The following SLC13A3 variants were observed in gnomAD, a reference collection of about 807,000 sequenced individuals.
The protein encoded by SLC13A3 is solute carrier family 13 member 3, also known as Na(+)/dicarboxylate cotransporter 3.
SLC13A3 carries 40 observed loss-of-function variants against 59.0 expected under a neutral mutation model. That is an observed-to-expected ratio of 0.68 (90% CI 0.53 to 0.88). The LOEUF is 0.88. Ranked by LOEUF, SLC13A3 falls within the 40% of genes least tolerant of loss-of-function variation. SLC13A3 has a pLI of 0.00. For missense variants in SLC13A3, 699 were observed against 783.2 expected (o/e 0.89, Z 1.28); for synonymous variants, 317 against 330.3 (o/e 0.96, Z 0.44).
intron 12 of SLC13A3, among the ~76,000 whole-genome samples, chr20:46,561,267 TG>T (rs2061928229): frequency 6.6e-6 from 1 of 152,238 alleles, no homozygotes; most frequent in South Asian, 2.1e-4. Flanking sequence ...TGATGTCTCA[TG>T]CCTCCCTAAA....
intron 1 of SLC13A3, among the ~76,000 whole-genome samples, chr20:46,645,748 T>G (rs530443974): frequency 6.6e-6 from 1 of 152,318 alleles, no homozygotes; most frequent in African/African-American, 2.4e-5. Flanking sequence ...CCAGGCAGTA[T>G]GTACCCAGTA....
intron 1 of SLC13A3, among the ~76,000 whole-genome samples, chr20:46,683,297 A>G (rs999142409): frequency 1.3e-5 from 2 of 152,246 alleles, no homozygotes; most frequent in African/African-American, 4.8e-5. Context: ...TAGATAAGGA[A>G]GCTGGAAGCT....
chr20:46,563,644 G>T, intron 11 of SLC13A3, 93 bp from the exon 12 acceptor site: 1 of 1,245,656 alleles, frequency 8.0e-7, no homozygotes, highest in Non-Finnish European at 1.1e-6. Flanking sequence ...CAGTTGGAAA[G>T]AGGGACACAA....
At chr20:46,636,626 G>A (rs2062797793) in intron 1 of SLC13A3, among the ~76,000 whole-genome samples, 1 of 152,156 alleles carries the variant, frequency 6.6e-6, no homozygotes, top group Non-Finnish European at 1.5e-5. Flanking sequence ...AGCCCCATGA[G>A]GCTGGTGGGC....
At chr20:46,589,705 G>A (rs908775826) in intron 6 of SLC13A3, among the ~76,000 whole-genome samples, 6 of 152,178 alleles carry the variant, frequency 3.9e-5, no homozygotes, top group African/African-American at 1.4e-4. Flanking sequence ...TCCATCTATG[G>A]CCAGTTGATT....
At chr20:46,589,131 C>A (rs746970283) in intron 7 of SLC13A3, 29 bp downstream of exon 7, 3 of 1,599,682 alleles carry the variant, frequency 1.9e-6, no homozygotes, top group Middle Eastern at 1.7e-4. Flanking sequence ...ATACTCAGCT[C>A]TTTCCTTAAC....
At chr20:46,598,813 A>G (rs1304072172) in intron 4 of SLC13A3, among the ~76,000 whole-genome samples, 1 of 149,736 alleles carries the variant, frequency 6.7e-6, no homozygotes, top group East Asian at 2.0e-4. Context: ...CCCGAAGCCA[A>G]CTCTCAGACC....
intron 1 of SLC13A3, among the ~76,000 whole-genome samples, chr20:46,621,192 G>T (rs1022638189): frequency 2.6e-5 from 4 of 152,204 alleles, no homozygotes; most frequent in Non-Finnish European, 5.9e-5. Context: ...GCTAGGGAAA[G>T]CTTCCCCAGA....
Position 46,560,183 on chromosome 20 carries a change from G to A in SLC13A3, c.1648C>T (p.Leu550=), listed in dbSNP as rs2061919135. 3.7e-6 allele frequency: 6 copies of A among 1,614,144 alleles called. No homozygotes were observed. The highest frequency in any genetic ancestry group is 5.1e-6 in the Non-Finnish European group (6 of 1,180,020). ...AGCAGGACACCCATCAGGTTCATCA[G>A]GAGGCCTGTCCGCACCTGAAATAGA... is the stretch of plus-strand genomic sequence containing the variant. ...LVKDMVRTGL[L]MNLMGVLLLS... is the part of the protein sequence containing the mutation. The change falls in exon 13 of 13, where the codon CTG becomes TTG. Residue 550 remains leucine (L), a synonymous_variant. Coordinates refer to ENST00000279027, the MANE Select transcript of SLC13A3 (RefSeq NM_022829.6).
At position 46,563,444 on chromosome 20, in the gene SLC13A3, G is replaced by T; in HGVS notation, c.1602C>A (p.Phe534Leu). 1 of 1,614,118 alleles carries T rather than the reference G, an allele frequency of 6.2e-7. No homozygotes were observed. The highest frequency in any genetic ancestry group is 8.5e-7 in the Non-Finnish European group (1 of 1,180,014). ...CTTTGACCAGCAAGTGTCCAGAGGC[G>T]AAGGCGATGGAGTTGGGGGGCGTTG... Reference protein sequence around the residue: ...PVSTPPNSIAFASGHLLVKDM... With the variant: ...PVSTPPNSIALASGHLLVKDM... Residue 534 changes from phenylalanine to leucine, a missense_variant, in exon 12 of 13, where the codon TTC becomes TTA. Physicochemically the swap from Phe to Leu is conservative, Grantham distance 22. Coordinates refer to ENST00000279027, the MANE Select transcript of SLC13A3 (RefSeq NM_022829.6).
At chr20:46,604,911 C>G (rs1426341995) in intron 3 of SLC13A3, among the ~76,000 whole-genome samples, 1 of 152,106 alleles carries the variant, frequency 6.6e-6, no homozygotes, top group Non-Finnish European at 1.5e-5. Context: ...CCCCCAGTCC[C>G]CACCATCGCT....
intron 10 of SLC13A3, among the ~76,000 whole-genome samples, chr20:46,566,848 CAA>C (rs2061985587): frequency 6.7e-6 from 1 of 150,084 alleles, no homozygotes; most frequent in Non-Finnish European, 1.5e-5. Context: ...AATATATATA[CAA>C]GACTTACTAT....
intron 1 of SLC13A3, among the ~76,000 whole-genome samples, chr20:46,648,913 TCTCACA>T (rs1175288362): frequency 8.7e-5 from 12 of 138,028 alleles, no homozygotes; most frequent in African/African-American, 3.9e-4. Context: ...TCTCTCTCTC[TCTCACA>T]CACACACACA....
At chr20:46,606,111 A>G (rs1419113848) in intron 3 of SLC13A3, among the ~76,000 whole-genome samples, 1 of 152,252 alleles carries the variant, frequency 6.6e-6, no homozygotes, top group Non-Finnish European at 1.5e-5. Flanking sequence ...AAGATTCACA[A>G]CAATGAGAAA....
chr20:46,659,608 G>A (rs904092791), intron 1 of SLC13A3, among the ~76,000 whole-genome samples: 7 of 151,834 alleles, frequency 4.6e-5, no homozygotes, highest in Admixed American at 3.3e-4. Flanking sequence ...CCAGCTACCG[G>A]GGAGGCTGAG....
chr20:46,579,273 G>A (rs2062111025), intron 9 of SLC13A3, among the ~76,000 whole-genome samples: 1 of 152,054 alleles, frequency 6.6e-6, no homozygotes, highest in Non-Finnish European at 1.5e-5. Flanking sequence ...AACTACAGGT[G>A]TGTGCCACCA....
chr20:46,628,745 C>A (rs748713550), intron 1 of SLC13A3, among the ~76,000 whole-genome samples: 44 of 152,228 alleles, frequency 2.9e-4, no homozygotes, highest in Non-Finnish European at 5.4e-4. Context: ...ATTCCAGTTT[C>A]TTAGTAACAC....
chr20:46,639,981 T>C (rs2062831371), intron 1 of SLC13A3, among the ~76,000 whole-genome samples: 2 of 152,134 alleles, frequency 1.3e-5, no homozygotes, highest in Non-Finnish European at 2.9e-5. Context: ...ACTCGGTGCC[T>C]CAGTTTCTTC....
In SLC13A3 at chr20:46,592,405, T is replaced by G. The variant is rs148358555; in HGVS notation, c.919A>C (p.Arg307=). 22 of 1,613,590 alleles carry G rather than the reference T, an allele frequency of 1.4e-5. 1 individual carries two copies. The South Asian group carries it at 2.4e-4, about 18-fold the overall frequency. The part of the protein sequence containing the change: ...ISFLYGGLSF[R]GWRKNKSEIR... Reference sequence around the variant, plus strand: ...TGCCAAAAAGAAAATGAGAGGTACCTGAAGCTCAGTCCCCCGTACAGGAAG... The same window carrying G: ...TGCCAAAAAGAAAATGAGAGGTACCGGAAGCTCAGTCCCCCGTACAGGAAG... Residue 307 remains arginine (R), a splice_region_variant and synonymous_variant, in exon 6 of 13, where the codon AGG becomes CGG. Transcript: ENST00000279027.
Sources: gnomAD v4.1 joint callset for allele counts (sites outside exome capture counted in the v4.1 genomes callset) on GRCh38, gnomAD v4.1.1 for gene constraint, MANE v1.5 for transcripts, NCBI Gene and HGNC (gene_info 2026-07-23, HGNC 2026-07-21) for gene names.